The following CDC73 variants were observed in gnomAD, a reference collection of about 807,000 sequenced individuals.
CDC73 encodes cell division cycle 73.
In CDC73, 21 loss-of-function variants were observed where a neutral mutation model predicts 83.7. The ratio of observed to expected loss-of-function variants is 0.25; its 90% CI spans 0.18 to 0.36. The LOEUF is 0.36. Among genes scored for constraint, CDC73 ranks in the 10% least tolerant of loss-of-function variants. The pLI is 1.00. For synonymous variants in CDC73, 224 were observed against 212.9 expected, an observed-to-expected ratio of 1.05 and a Z score of -0.45; for missense variants, 342 against 653.3, an observed-to-expected ratio of 0.52 and a Z score of 5.19.
Position 193,239,578 on chromosome 1 carries a change from A to G in CDC73, c.1417+3222A>G, listed in dbSNP as rs190683089. 3.3e-5 allele frequency among the ~76,000 whole-genome samples: 5 copies of G among 152,278 alleles called. No individual in the cohort carries two copies. The East Asian group carries it at 7.7e-4, about 23-fold the overall frequency. On this transcript the variant is annotated intron_variant, in intron 15 of 16. Transcript: ENST00000367435. Reference sequence around the variant, plus strand: ...TAGATATGTTATACTTGACGTGGCTATATTTATTTGTTGGTTGACATTTAA... The same window carrying G: ...TAGATATGTTATACTTGACGTGGCTGTATTTATTTGTTGGTTGACATTTAA...
intron 10 of CDC73, chr1:193,181,709 C>T: frequency 1.3e-6 from 1 of 742,542 alleles, no homozygotes; most frequent in Non-Finnish European, 2.1e-6. Flanking sequence ...CAAAAGTTTA[C>T]AGAACTGCCT....
At chr1:193,164,963 C>T (rs1381247526) in intron 10 of CDC73, among the ~76,000 whole-genome samples, 1 of 152,164 alleles carries the variant, frequency 6.6e-6, no homozygotes, top group Non-Finnish European at 1.5e-5. Context: ...GACCTTTCTG[C>T]ACGTTTGAGC....
intron 13 of CDC73, among the ~76,000 whole-genome samples, chr1:193,214,278 G>A (rs1233899726): frequency 6.6e-6 from 1 of 152,156 alleles, no homozygotes; most frequent in Admixed American, 6.6e-5. Flanking sequence ...ATTTCCAGGT[G>A]TTTATGTATA....
intron 14 of CDC73, among the ~76,000 whole-genome samples, chr1:193,233,469 A>T (rs1677697233): frequency 6.6e-6 from 1 of 152,208 alleles, no homozygotes; most frequent in African/African-American, 2.4e-5. Context: ...ACTGTCTTTG[A>T]AAAGTGTGTT....
At chr1:193,234,822 G>A (rs964151700) in intron 14 of CDC73, among the ~76,000 whole-genome samples, 1 of 152,120 alleles carries the variant, frequency 6.6e-6, no homozygotes, top group Non-Finnish European at 1.5e-5. Flanking sequence ...TGCCAAAGAT[G>A]ATTTTGACAG....
chr1:193,243,873 ATGTTT>A (rs1677904536), intron 15 of CDC73, among the ~76,000 whole-genome samples: 1 of 152,204 alleles, frequency 6.6e-6, no homozygotes, highest in Admixed American at 6.5e-5. Flanking sequence ...TTCATTTTAA[ATGTTT>A]ATTAAGAATT....
At chr1:193,157,336 A>T (rs1676225672) in intron 10 of CDC73, among the ~76,000 whole-genome samples, 1 of 152,248 alleles carries the variant, frequency 6.6e-6, no homozygotes, top group African/African-American at 2.4e-5. Context: ...AGGAAGAAGA[A>T]GATGGTAAGG....
intron 10 of CDC73, chr1:193,180,356 T>G: frequency 6.2e-7 from 1 of 1,611,460 alleles, no homozygotes; most frequent in Non-Finnish European, 8.5e-7. Flanking sequence ...GCACAGGCAT[T>G]GTGCTTATTT....
chr1:193,176,616 C>G (rs1676606935), intron 10 of CDC73, among the ~76,000 whole-genome samples: 1 of 152,104 alleles, frequency 6.6e-6, no homozygotes, highest in Admixed American at 6.6e-5. Context: ...CTAAATGATA[C>G]ATTGAAATTC....
intron 15 of CDC73, among the ~76,000 whole-genome samples, chr1:193,241,580 C>T (rs1480023916): frequency 6.6e-6 from 1 of 152,172 alleles, no homozygotes; most frequent in East Asian, 1.9e-4. Flanking sequence ...CCCCAGAGGT[C>T]CACACTGTTA....
intron 13 of CDC73, among the ~76,000 whole-genome samples, chr1:193,221,673 G>T (rs1677472468): frequency 6.6e-6 from 1 of 152,134 alleles, no homozygotes; most frequent in Non-Finnish European, 1.5e-5. Context: ...AATAGTGAAA[G>T]AAATCACAAA....
chr1:193,218,271 A>G (rs903002756), intron 13 of CDC73, among the ~76,000 whole-genome samples: 5 of 152,214 alleles, frequency 3.3e-5, no homozygotes, highest in African/African-American at 9.6e-5. Context: ...AGAAGACACA[A>G]ACAAATCGAA....
chr1:193,152,257 G>A, intron 9 of CDC73, 123 bp from the exon 10 acceptor site: 1 of 670,824 alleles, frequency 1.5e-6, no homozygotes, highest in Non-Finnish European at 2.6e-6. Flanking sequence ...TTACATAGTA[G>A]ATTCAAGGCT....
At chr1:193,164,175 A>C (rs189108666) in intron 10 of CDC73, among the ~76,000 whole-genome samples, 1 of 152,234 alleles carries the variant, frequency 6.6e-6, no homozygotes, top group African/African-American at 2.4e-5. Context: ...AGACTAGTCC[A>C]TAGTACATAG....
intron 10 of CDC73, among the ~76,000 whole-genome samples, chr1:193,177,747 T>C (rs1423950222): frequency 1.3e-5 from 2 of 152,184 alleles, no homozygotes; most frequent in Non-Finnish European, 2.9e-5. Flanking sequence ...ACTGGTATTA[T>C]TTTTGTAGAA....
chr1:193,170,127 T>A (rs1002224671), intron 10 of CDC73, among the ~76,000 whole-genome samples: 2 of 152,230 alleles, frequency 1.3e-5, no homozygotes, highest in African/African-American at 4.8e-5. Flanking sequence ...GGATATGATC[T>A]CATTCTTTTT....
At chr1:193,184,482 T>C (rs1215426180) in intron 10 of CDC73, among the ~76,000 whole-genome samples, 1 of 151,932 alleles carries the variant, frequency 6.6e-6, no homozygotes, top group African/African-American at 2.4e-5. Context: ...TTTTTTGATA[T>C]CTTCACATTA....
chr1:193,147,355 T>A (rs926902025), intron 7 of CDC73, among the ~76,000 whole-genome samples: 12 of 151,884 alleles, frequency 7.9e-5, no homozygotes, highest in Non-Finnish European at 1.6e-4. Flanking sequence ...TGAATACATT[T>A]GTAGCAGTTT....
chr1:193,129,575 C>T lies in CDC73; in HGVS notation c.238-599C>T, dbSNP rs111868037. Reference sequence around the variant, plus strand: ...AGGCCGGAGTGCAGTGGTGCAGTCTCGGCTCACTGAAACGCCTGTCTCCGC... The same window carrying T: ...AGGCCGGAGTGCAGTGGTGCAGTCTTGGCTCACTGAAACGCCTGTCTCCGC... On this transcript the variant is annotated intron_variant, in intron 2 of 16. Transcript: ENST00000367435. 3.2e-3 allele frequency among the ~76,000 whole-genome samples: 482 copies of T among 151,674 alleles called. 4 individuals are homozygous for T. Among genetic ancestry groups the T allele is most frequent in the African/African-American group, 0.011 (461 of 41,266 alleles).
Sources: gnomAD v4.1 joint callset for allele counts (sites outside exome capture counted in the v4.1 genomes callset) on GRCh38, gnomAD v4.1.1 for gene constraint, MANE v1.5 for transcripts, NCBI Gene and HGNC (gene_info 2026-07-23, HGNC 2026-07-21) for gene names.